Variants in FRMPD1 observed in about 807,000 individuals in gnomAD.
The protein encoded by FRMPD1 is FERM and PDZ domain containing 1.
FRMPD1 carries 76 observed loss-of-function variants against 117.8 expected under a neutral mutation model. The ratio of observed to expected loss-of-function variants is 0.65; its 90% CI spans 0.54 to 0.78. FRMPD1 has a LOEUF of 0.78. Ranked by LOEUF, FRMPD1 falls within the 30% of genes least tolerant of loss-of-function variation. The pLI is 0.00. For missense variants in FRMPD1, 1,786 were observed against 1,964.5 expected (o/e 0.91, Z 1.72); for synonymous variants, 783 against 770.4 (o/e 1.02, Z -0.27).
intron 13 of FRMPD1, 63 bp downstream of exon 13, chr9:37,735,797 G>T (rs1824093690): frequency 8.9e-7 from 1 of 1,125,840 alleles, no homozygotes; most frequent in South Asian, 1.4e-5. Flanking sequence ...TAGGGGCCAG[G>T]CTAGTTTATA....
At chr9:37,718,742 A>G (rs1823260554) in intron 5 of FRMPD1, among the ~76,000 whole-genome samples, 1 of 152,236 alleles carries the variant, frequency 6.6e-6, no homozygotes, top group African/African-American at 2.4e-5. Context: ...TGAGTTTGAG[A>G]TAGTTCTCAC....
upstream of FRMPD1, among the ~76,000 whole-genome samples, chr9:37,646,972 G>A (rs1218248373): frequency 6.6e-6 from 1 of 152,074 alleles, no homozygotes; most frequent in Non-Finnish European, 1.5e-5. Flanking sequence ...GGTACTTATG[G>A]GAAATAAATT....
At chr9:37,634,780 A>G in the FRMPD1 span, among the ~76,000 whole-genome samples, 1 of 151,642 alleles carries the variant, frequency 6.6e-6, no homozygotes, top group African/African-American at 2.4e-5. Context: ...TTTTTTTAAA[A>G]AGGGATCCAT....
chr9:37,744,593 T>G lies in FRMPD1; in HGVS notation c.2561T>G (p.Leu854Arg). Reference sequence around the variant, plus strand: ...TACACCTCTCAGGTCTCATTTCCCCTGGTGCCATCAGCCTCCCTGGAGAGT... The same window carrying G: ...TACACCTCTCAGGTCTCATTTCCCCGGGTGCCATCAGCCTCCCTGGAGAGT... ...TDYTSQVSFP[L>R]VPSASLESVD... Residue 854 changes from leucine (L) to arginine (R), a missense_variant, in exon 16 of 16, where the codon CTG becomes CGG. Coordinates refer to ENST00000377765, the MANE Select transcript of FRMPD1 (RefSeq NM_014907.3). 3.7e-6 allele frequency: 6 copies of G among 1,614,104 alleles called. No individual in the cohort carries two copies. The South Asian group carries it at 6.6e-5, about 18-fold the overall frequency.
chr9:37,656,566 A>T (rs1403137226), intron 1 of FRMPD1, among the ~76,000 whole-genome samples: 1 of 152,330 alleles, frequency 6.6e-6, no homozygotes, highest in East Asian at 1.9e-4. Context: ...CAGCTATTGT[A>T]GTTGTACTTT....
chr9:37,741,524 C>T (rs1432703853), intron 15 of FRMPD1, among the ~76,000 whole-genome samples: 1 of 151,200 alleles, frequency 6.6e-6, no homozygotes, highest in Non-Finnish European at 1.5e-5. Flanking sequence ...TGGAAAAGAG[C>T]ACATGGATGT....
At position 37,740,289 on chromosome 9, in the gene FRMPD1, C is replaced by T. The variant is rs769428994; in HGVS notation, c.1761C>T (p.Ser587=). The part of the protein sequence containing the change: ...GASSTTDSAE[S]EASDSANTES... ...GCAGCACGACAGACAGTGCCGAGTCCGAGGCGTCCGACTCAGCCAACACTG... is the reference window on the plus strand; with the variant it reads ...GCAGCACGACAGACAGTGCCGAGTCTGAGGCGTCCGACTCAGCCAACACTG... Residue 587 remains serine (S), a synonymous_variant, in exon 15 of 16, where the codon TCC becomes TCT. Transcript: ENST00000377765. This position sits in a 1 kb window ranked among gnomAD's most constrained non-coding sequence, Gnocchi z 4.2. The T allele has an allele frequency of 7.4e-6, 12 of 1,613,602 alleles. No homozygotes were observed. Among genetic ancestry groups the T allele is most frequent in the South Asian group, 5.5e-5 (5 of 91,068 alleles).
the FRMPD1 span, among the ~76,000 whole-genome samples, chr9:37,637,592 T>C: frequency 3.3e-5 from 5 of 152,210 alleles, no homozygotes; most frequent in African/African-American, 1.2e-4. Flanking sequence ...CCTATTGTTT[T>C]GCCTTTGTTA....
chr9:37,685,525 G>A (rs373173135), intron 1 of FRMPD1, among the ~76,000 whole-genome samples: 37 of 152,020 alleles, frequency 2.4e-4, no homozygotes, highest in South Asian at 1.0e-3. Flanking sequence ...GGTGGCGGGC[G>A]CCTGTAGTCC....
At chr9:37,605,374 C>G in the FRMPD1 span, among the ~76,000 whole-genome samples, 1 of 152,168 alleles carries the variant, frequency 6.6e-6, no homozygotes, top group Non-Finnish European at 1.5e-5. Flanking sequence ...CAGGACTCCC[C>G]CTTACTGCAT....
chr9:37,635,174 T>C, the FRMPD1 span, among the ~76,000 whole-genome samples: 15 of 152,330 alleles, frequency 9.8e-5, no homozygotes, highest in South Asian at 2.7e-3. Context: ...AACTGCATTG[T>C]CCATGTATTG....
chr9:37,639,374 T>C, the FRMPD1 span, among the ~76,000 whole-genome samples: 8 of 152,214 alleles, frequency 5.3e-5, no homozygotes, highest in African/African-American at 1.9e-4. Context: ...GGTGTCGCCA[T>C]GTTTCCCTTG....
At chr9:37,620,530 A>G in the FRMPD1 span, among the ~76,000 whole-genome samples, 27 of 151,832 alleles carry the variant, frequency 1.8e-4, no homozygotes, top group South Asian at 4.2e-4. Context: ...AAAAAAAAAA[A>G]CTATTTGGGG....
chr9:37,621,428 G>A, the FRMPD1 span, among the ~76,000 whole-genome samples: 4 of 152,182 alleles, frequency 2.6e-5, no homozygotes, highest in African/African-American at 9.7e-5. Context: ...AGCTTTTGAA[G>A]AGGATTTCTT....
chr9:37,746,295 C>A lies in FRMPD1; in HGVS notation c.4263C>A (p.Gly1421=). 3 of 1,612,728 alleles carry A rather than the reference C, an allele frequency of 1.9e-6. No homozygotes were observed. The highest frequency in any genetic ancestry group is 2.5e-6 in the Non-Finnish European group (3 of 1,179,736). ...LKATPASTPE[G]FIQLMESLLE... is the part of the protein sequence containing the mutation. ...CCACCCCTGCCAGCACCCCTGAGGGCTTCATCCAACTCATGGAGAGCTTGC... is the reference window on the plus strand; with the variant it reads ...CCACCCCTGCCAGCACCCCTGAGGGATTCATCCAACTCATGGAGAGCTTGC... Residue 1421 remains glycine (G), a synonymous_variant, in exon 16 of 16, where the codon GGC becomes GGA. Coordinates refer to ENST00000377765, the MANE Select transcript of FRMPD1 (RefSeq NM_014907.3).
chr9:37,720,338 G>A (rs1588955478), intron 6 of FRMPD1, among the ~76,000 whole-genome samples: 1 of 152,068 alleles, frequency 6.6e-6, no homozygotes, highest in African/African-American at 2.4e-5. Context: ...CCCAGCATTT[G>A]GGGAGGCTGA....
In FRMPD1 at chr9:37,744,528, C is replaced by G. The variant is rs1824584761; in HGVS notation, c.2496C>G (p.Ala832=). The change falls in exon 16 of 16, where the codon GCC becomes GCG. Residue 832 remains alanine (A), a synonymous_variant. Coordinates refer to ENST00000377765, the MANE Select transcript of FRMPD1 (RefSeq NM_014907.3). The part of the protein sequence containing the change: ...PSRRGGVKKY[A]KTLRKRRSFL... The stretch of plus-strand genomic sequence containing the variant: ...GGAGGGGAGGGGTGAAGAAATATGC[C>G]AAGACCCTGAGGAAAAGAAGGTCTT... The G allele has an allele frequency of 2.5e-6, 4 of 1,614,080 alleles. No homozygotes were observed. Among genetic ancestry groups the G allele is most frequent in the Non-Finnish European group, 3.4e-6 (4 of 1,180,002 alleles).
chr9:37,685,806 A>G (rs745407532), intron 1 of FRMPD1, among the ~76,000 whole-genome samples: 30 of 152,180 alleles, frequency 2.0e-4, no homozygotes, highest in Non-Finnish European at 4.0e-4. Flanking sequence ...TTTATCTACA[A>G]TTTCAATTTA....
rs547075971 is a variant in FRMPD1 at position 37,746,804 on chromosome 9, C to T, written c.*35C>T. 6.9e-7 allele frequency: 1 copy of T among 1,442,596 alleles called. No homozygotes were observed. The highest frequency in any genetic ancestry group is 9.7e-7 in the Non-Finnish European group (1 of 1,030,100). The allele number at this position is 1,442,596 out of a possible 1,614,324, so 89.4% of individuals were successfully genotyped here. On this transcript the variant is annotated 3_prime_UTR_variant, in exon 16 of 16. Coordinates refer to ENST00000377765, the MANE Select transcript of FRMPD1 (RefSeq NM_014907.3). Reference sequence around the variant, plus strand: ...CGGCCCAAGGGCCTCCTGCCCTGTCCTGCCTTGGACACTTCCCTGAGAAGC... The same window carrying T: ...CGGCCCAAGGGCCTCCTGCCCTGTCTTGCCTTGGACACTTCCCTGAGAAGC...
Sources: allele counts gnomAD v4.1 joint callset (sites outside exome capture counted in the v4.1 genomes callset), GRCh38; gene constraint gnomAD v4.1.1; non-coding constraint Gnocchi (gnomAD v3.1); transcripts MANE v1.5; gene names NCBI Gene and HGNC (gene_info 2026-07-23, HGNC 2026-07-21).